The following GRM7 variants were observed in gnomAD, a reference collection of about 807,000 sequenced individuals.
The protein encoded by GRM7 is metabotropic glutamate receptor 7.
GRM7 carries 35 observed loss-of-function variants against 84.5 expected under a neutral mutation model. That is an observed-to-expected ratio of 0.41 (90% CI 0.32 to 0.55). GRM7 has a LOEUF of 0.55. Among genes scored for constraint, GRM7 ranks in the 20% least tolerant of loss-of-function variants. The pLI, the probability that GRM7 is intolerant of heterozygous loss-of-function variation, is 0.19. For synonymous variants in GRM7, 487 were observed against 455.1 expected, an observed-to-expected ratio of 1.07 and a Z score of -0.89; for missense variants, 1,003 against 1,194.6, an observed-to-expected ratio of 0.84 and a Z score of 2.36.
intron 1 of GRM7, among the ~76,000 whole-genome samples, chr3:6,994,049 G>A (rs181500356): frequency 6.6e-6 from 1 of 152,172 alleles, no homozygotes; most frequent in Admixed American, 6.5e-5. Context: ...TGGAAATTTG[G>A]CAAATAACAT....
intron 2 of GRM7, among the ~76,000 whole-genome samples, chr3:7,172,531 A>G (rs955671921): frequency 1.3e-5 from 2 of 148,852 alleles, no homozygotes; most frequent in African/African-American, 5.0e-5. Context: ...GTGAAAGACC[A>G]TATGTAGTCT....
intron 1 of GRM7, among the ~76,000 whole-genome samples, chr3:7,082,818 C>T (rs6768945): frequency 0.12 from 17,638 of 152,000 alleles, 2,601 homozygotes; most frequent in African/African-American, 0.33. Flanking sequence ...AAAAAGTGAA[C>T]TGCAGATGTG....
chr3:7,148,921 TTAATACCTCTTCAAGGTATTAA>T (rs1694192471), intron 2 of GRM7, among the ~76,000 whole-genome samples: 1 of 152,162 alleles, frequency 6.6e-6, no homozygotes, highest in Non-Finnish European at 1.5e-5. Flanking sequence ...GTCTTGAAAA[TTAATACCTCTTCAAGGTATTAA>T]TAATAAGTAG....
At chr3:7,033,112 T>C (rs373233787) in intron 1 of GRM7, among the ~76,000 whole-genome samples, 5 of 152,316 alleles carry the variant, frequency 3.3e-5, no homozygotes, top group African/African-American at 9.6e-5. Context: ...TCTTTGGTGT[T>C]CCTTGATTTG....
At chr3:7,424,160 A>G (rs1696508509) in intron 5 of GRM7, among the ~76,000 whole-genome samples, 1 of 152,114 alleles carries the variant, frequency 6.6e-6, no homozygotes, top group Non-Finnish European at 1.5e-5. Context: ...AGTCCCTACT[A>G]TATGGGCTCA....
intron 1 of GRM7, among the ~76,000 whole-genome samples, chr3:6,909,736 A>G (rs909853843): frequency 6.6e-6 from 1 of 152,072 alleles, no homozygotes; most frequent in Non-Finnish European, 1.5e-5. Context: ...TCTAGACTCG[A>G]TATCAGGATC....
intron 4 of GRM7, among the ~76,000 whole-genome samples, chr3:7,413,538 A>G (rs907355105): frequency 1.3e-5 from 2 of 152,194 alleles, no homozygotes; most frequent in Non-Finnish European, 2.9e-5. Context: ...GCTGCTTTGA[A>G]TTGTCTGAGA....
chr3:7,569,019 C>T (rs1694498366), intron 7 of GRM7, among the ~76,000 whole-genome samples: 1 of 152,174 alleles, frequency 6.6e-6, no homozygotes, highest in Non-Finnish European at 1.5e-5. Flanking sequence ...ACCTGCGCCC[C>T]TGTGTGGGAT....
chr3:6,994,327 G>C (rs1388770862), intron 1 of GRM7, among the ~76,000 whole-genome samples: 1 of 152,136 alleles, frequency 6.6e-6, no homozygotes, highest in East Asian at 1.9e-4. Flanking sequence ...GGGAAGGAAT[G>C]TGGTTTTGTT....
chr3:7,607,204 G>A lies in GRM7; in HGVS notation c.2451+27847G>A, dbSNP rs188906001. The A allele has an allele frequency of 1.6e-4, 24 of 152,130 alleles. No homozygotes were observed. The East Asian group carries it at 2.1e-3, about 14-fold the overall frequency. 9.4% of individuals were successfully genotyped at this position (152,130 alleles called of 1,614,324 possible). A position where few individuals can be genotyped will look rare whatever the true frequency, so the allele number is the denominator to read the frequency against. ...CCAGAAATAACTTCATCCTATTACC[G>A]AGATGTTATTAATATGCAATGCTTT... is the stretch of plus-strand genomic sequence containing the variant. On this transcript the variant is annotated intron_variant, in intron 8 of 9. Transcript: ENST00000357716.
At chr3:7,371,267 G>C (rs1316553639) in intron 4 of GRM7, among the ~76,000 whole-genome samples, 4 of 152,174 alleles carry the variant, frequency 2.6e-5, no homozygotes, top group African/African-American at 9.7e-5. Context: ...AAATTCTGAA[G>C]TTAGCTGGCC....
chr3:7,025,555 G>C (rs1209331656), intron 1 of GRM7, among the ~76,000 whole-genome samples: 1 of 152,156 alleles, frequency 6.6e-6, no homozygotes, highest in African/African-American at 2.4e-5. Context: ...AATCATCTCT[G>C]TAAAGGCTGG....
intron 2 of GRM7, among the ~76,000 whole-genome samples, chr3:7,208,490 A>G (rs956099343): frequency 2.6e-5 from 4 of 152,168 alleles, no homozygotes; most frequent in Admixed American, 2.0e-4. Context: ...ATTTTAAAAA[A>G]TCTATATTGA....
At chr3:6,872,541 C>G (rs191367292) in intron 1 of GRM7, among the ~76,000 whole-genome samples, 8 of 152,132 alleles carry the variant, frequency 5.3e-5, no homozygotes, top group African/African-American at 1.9e-4. Context: ...TATACATGTG[C>G]CATGGTGGTT....
At chr3:7,170,688 A>G (rs1249933503) in intron 2 of GRM7, among the ~76,000 whole-genome samples, 1 of 152,188 alleles carries the variant, frequency 6.6e-6, no homozygotes, top group Non-Finnish European at 1.5e-5. Context: ...CATGCAGGAG[A>G]TGTGTCCATT....
intron 8 of GRM7, among the ~76,000 whole-genome samples, chr3:7,624,442 G>A (rs533729001): frequency 1.3e-5 from 2 of 152,084 alleles, no homozygotes; most frequent in South Asian, 2.1e-4. Context: ...CGTTAACTAC[G>A]TAATTATACA....
chr3:7,632,857 G>C (rs146643237), intron 8 of GRM7, among the ~76,000 whole-genome samples: 286 of 152,248 alleles, frequency 1.9e-3, no homozygotes, highest in African/African-American at 6.4e-3. Flanking sequence ...AAAGATTTCA[G>C]TGCATCTTTA....
At chr3:7,143,861 T>C (rs911099808) in intron 1 of GRM7, among the ~76,000 whole-genome samples, 5 of 152,174 alleles carry the variant, frequency 3.3e-5, no homozygotes, top group Non-Finnish European at 7.3e-5. Flanking sequence ...TCCTTTTCAT[T>C]TCTTGTGAGG....
At chr3:7,285,617 C>T (rs1419024186) in intron 2 of GRM7, among the ~76,000 whole-genome samples, 1 of 152,088 alleles carries the variant, frequency 6.6e-6, no homozygotes, top group East Asian at 1.9e-4. Context: ...AGACTCTCAA[C>T]ATCCATAGAA....
Sources: gnomAD v4.1 joint callset for allele counts (sites outside exome capture counted in the v4.1 genomes callset) on GRCh38, gnomAD v4.1.1 for gene constraint, MANE v1.5 for transcripts, NCBI Gene and HGNC (gene_info 2026-07-23, HGNC 2026-07-21) for gene names.